ATAD3A: variants seen among roughly 807,000 people sequenced by gnomAD.
ATAD3A encodes the protein ATPase family AAA domain-containing protein 3A.
In ATAD3A, 46 loss-of-function variants were observed where a neutral mutation model predicts 73.8. That is an observed-to-expected ratio of 0.62 (90% CI 0.49 to 0.80). The LOEUF is 0.80. Ranked by LOEUF, ATAD3A falls within the 30% of genes least tolerant of loss-of-function variation. The pLI, the probability that ATAD3A is intolerant of heterozygous loss-of-function variation, is 0.00. For synonymous variants in ATAD3A, 319 were observed against 350.0 expected, an observed-to-expected ratio of 0.91 and a Z score of 0.99; for missense variants, 705 against 838.0, an observed-to-expected ratio of 0.84 and a Z score of 1.96.
In ATAD3A at chr1:1,514,264, G is replaced by GC. The variant is rs529381105; in HGVS notation, c.206-1746dup. On this transcript the variant is annotated intron_variant, in intron 1 of 15. Transcript: ENST00000378756. Reference sequence around the variant, plus strand: ...GAGGGAGTGGCCTCAGCTTAATCCAGCCAAAGGTCCCCTCGGGAGGAAACA... The same window carrying GC: ...GAGGGAGTGGCCTCAGCTTAATCCAGCCCAAAGGTCCCCTCGGGAGGAAACA... Among the ~76,000 whole-genome samples the GC allele has an allele frequency of 6.2e-3, 941 of 152,062 alleles. 10 individuals carry two copies. The highest frequency in any genetic ancestry group is 0.022 in the African/African-American group (900 of 41,430).
Position 1,523,173 on chromosome 1 carries a change from G to C in ATAD3A, c.906+274G>C, listed in dbSNP as rs1641665524. Among the ~76,000 whole-genome samples, 1 of 152,036 alleles carries C rather than the reference G, an allele frequency of 6.6e-6. No individual in the cohort carries two copies. The highest frequency in any genetic ancestry group is 2.4e-5 in the African/African-American group (1 of 41,336). Reference sequence around the variant, plus strand: ...GGTCCTTGCAAGACCCGGGACTTGGGTGTGCGGCCGTCTATCAGGGAAGCT... The same window carrying C: ...GGTCCTTGCAAGACCCGGGACTTGGCTGTGCGGCCGTCTATCAGGGAAGCT... On this transcript the variant is annotated intron_variant, in intron 8 of 15. Coordinates refer to ENST00000378756, the MANE Select transcript of ATAD3A (RefSeq NM_001170535.3). This position sits in a 1 kb window ranked among gnomAD's most constrained non-coding sequence, Gnocchi z 5.1.
intron 10 of ATAD3A, 69 bp downstream of exon 10, chr1:1,524,033 G>A: frequency 1.2e-6 from 2 of 1,608,842 alleles, no homozygotes; most frequent in Non-Finnish European, 1.7e-6. Context: ...GGTGTCTGGG[G>A]GGCTCAGCTG....
chr1:1,513,918 C>A (rs542808545), intron 1 of ATAD3A, among the ~76,000 whole-genome samples: 1 of 152,036 alleles, frequency 6.6e-6, no homozygotes, highest in Non-Finnish European at 1.5e-5. Context: ...AGCCCCATGC[C>A]GCCTGGTTCC....
At chr1:1,516,381 T>G (rs1183881993) in intron 2 of ATAD3A, among the ~76,000 whole-genome samples, 1 of 152,220 alleles carries the variant, frequency 6.6e-6, no homozygotes. Flanking sequence ...GATCTTCTCA[T>G]TTCATTACAC....
Position 1,523,735 on chromosome 1 carries a change from C to A in ATAD3A, c.964-104C>A. On this transcript the variant is annotated intron_variant, in intron 9 of 15. Coordinates refer to ENST00000378756, the MANE Select transcript of ATAD3A (RefSeq NM_001170535.3). The surrounding 1 kb of genome is among the most constrained non-coding windows in gnomAD (Gnocchi z 5.1). ...GATAGGCTGCCCCTGAGGTGGGAGGCTTCCCGAGGAGCCGAGTCTGCACCC... is the reference window on the plus strand; with the variant it reads ...GATAGGCTGCCCCTGAGGTGGGAGGATTCCCGAGGAGCCGAGTCTGCACCC... 1 of 1,590,756 alleles carries A rather than the reference C, an allele frequency of 6.3e-7. No homozygotes were observed. Among genetic ancestry groups the A allele is most frequent in the Non-Finnish European group, 8.6e-7 (1 of 1,167,178 alleles).
At chr1:1,513,223 G>A (rs1196812407) in intron 1 of ATAD3A, among the ~76,000 whole-genome samples, 4 of 152,098 alleles carry the variant, frequency 2.6e-5, no homozygotes, top group African/African-American at 9.7e-5. Flanking sequence ...GGAGGACAGC[G>A]GATGTTGGTG....
intron 7 of ATAD3A, among the ~76,000 whole-genome samples, chr1:1,522,193 C>T (rs1025061654): frequency 2.0e-5 from 3 of 152,098 alleles, no homozygotes; most frequent in South Asian, 2.1e-4. Flanking sequence ...GCATGTGCCA[C>T]CATGGCCAGC....
intron 15 of ATAD3A, among the ~76,000 whole-genome samples, chr1:1,529,649 A>G (rs114151445): frequency 6.6e-6 from 1 of 152,326 alleles, no homozygotes; most frequent in African/African-American, 2.4e-5. Context: ...ACCTTGGCCA[A>G]TAGGCACCTC....
intron 15 of ATAD3A, among the ~76,000 whole-genome samples, chr1:1,533,281 G>A (rs1642097241): frequency 6.6e-6 from 1 of 152,214 alleles, no homozygotes; most frequent in Admixed American, 6.5e-5. Flanking sequence ...CTGACCCACG[G>A]GTGCCTCCCC....
At chr1:1,522,436 G>A (rs1641631214) in intron 7 of ATAD3A, among the ~76,000 whole-genome samples, 1 of 152,190 alleles carries the variant, frequency 6.6e-6, no homozygotes, top group African/African-American at 2.4e-5. Flanking sequence ...TGTACCAGAG[G>A]GTGTGGCCCT....
In ATAD3A at chr1:1,523,413, T is replaced by A. The variant is rs1287171514; in HGVS notation, c.907-98T>A. ...GGTCCTGGCTGTGCTTTGGGGCAGC[T>A]CCGTTTCTGCGTGTTACCGAGCGTG... On this transcript the variant is annotated intron_variant, in intron 8 of 15. Coordinates refer to ENST00000378756, the MANE Select transcript of ATAD3A (RefSeq NM_001170535.3). This position sits in a 1 kb window ranked among gnomAD's most constrained non-coding sequence, Gnocchi z 5.1. The A allele has an allele frequency of 6.5e-6, 10 of 1,536,216 alleles. No individual in the cohort carries two copies. The highest frequency in any genetic ancestry group is 1.4e-5 in the African/African-American group (1 of 72,796).
intron 7 of ATAD3A, among the ~76,000 whole-genome samples, chr1:1,521,298 CAAAAAAAAAA>C (rs1001385922): frequency 2.0e-4 from 5 of 25,350 alleles, no homozygotes; most frequent in East Asian, 2.0e-3. Context: ...GGCTTCTTCT[CAAAAAAAAAA>C]AAAAAAAAAA....
intron 14 of ATAD3A, 90 bp downstream of exon 14, chr1:1,527,952 A>G: frequency 1.5e-6 from 2 of 1,350,144 alleles, no homozygotes; most frequent in Non-Finnish European, 2.0e-6. Context: ...CAAACCTTTA[A>G]CATTCCTTTT....
chr1:1,525,413 C>CCT lies in ATAD3A; in HGVS notation c.1266+122_1266+123insCT. On this transcript the variant is annotated intron_variant, in intron 12 of 15. Transcript: ENST00000378756. ...TCTGTAAGCTTTGTGTGAAAAACAG[C>CCT]TTTTTTTTTTTTTTTTTTTGAGAAG... 4.0e-6 allele frequency: 3 copies of CCT among 745,686 alleles called. No individual in the cohort carries two copies. In the East Asian group the frequency reaches 1.0e-4, roughly 25 times the overall value. 46.2% of individuals were successfully genotyped at this position (745,686 alleles called of 1,614,324 possible).
At chr1:1,533,416 G>A (rs950666156) in intron 15 of ATAD3A, among the ~76,000 whole-genome samples, 15 of 152,246 alleles carry the variant, frequency 9.9e-5, no homozygotes, top group Non-Finnish European at 7.3e-5. Context: ...CAGCCTTCAC[G>A]TGCCAGATGC....
intron 7 of ATAD3A, among the ~76,000 whole-genome samples, chr1:1,522,423 G>T (rs113253743): frequency 1.2e-4 from 19 of 152,364 alleles, no homozygotes; most frequent in African/African-American, 4.1e-4. Context: ...TAGTGGCCAA[G>T]AATGTACCAG....
At chr1:1,517,069 G>T in intron 2 of ATAD3A, 2 of 1,507,462 alleles carry the variant, frequency 1.3e-6, no homozygotes, top group Middle Eastern at 2.4e-4. Context: ...GTCCAAAAGG[G>T]GGTGTCCGGC....
rs560930213 is a variant in ATAD3A, at chr1:1,519,046, C to G, written c.514+56C>G. On this transcript the variant is annotated intron_variant, in intron 5 of 15. Transcript: ENST00000378756. Reference sequence around the variant, plus strand: ...AGGTGGCGGGGGCTGCTTGTGGACCCGGCGTGCACTCTGAGCCTGAGTTCT... The same window carrying G: ...AGGTGGCGGGGGCTGCTTGTGGACCGGGCGTGCACTCTGAGCCTGAGTTCT... 9.9e-6 allele frequency: 16 copies of G among 1,613,416 alleles called. No homozygotes were observed. In the South Asian group the frequency reaches 1.5e-4, roughly 16 times the overall value.
At chr1:1,514,720 G>A (rs1641300464) in intron 1 of ATAD3A, among the ~76,000 whole-genome samples, 1 of 152,174 alleles carries the variant, frequency 6.6e-6, no homozygotes, top group Non-Finnish European at 1.5e-5. Context: ...CAGACGCTGG[G>A]CTCTAGTTAG....
Sources: gnomAD v4.1 joint callset for allele counts (sites outside exome capture counted in the v4.1 genomes callset) on GRCh38, gnomAD v4.1.1 for gene constraint, Gnocchi (gnomAD v3.1) non-coding constraint, MANE v1.5 for transcripts, NCBI Gene and HGNC (gene_info 2026-07-23, HGNC 2026-07-21) for gene names.